Variants in CRYL1 observed in about 807,000 individuals in gnomAD.
CRYL1 encodes lambda-crystallin homolog.
In CRYL1, 29 loss-of-function variants were observed where a neutral mutation model predicts 36.6. That is an observed-to-expected ratio of 0.79 (90% CI 0.59 to 1.08). The LOEUF (loss-of-function observed/expected upper bound fraction) is 1.08, where lower values mean the gene tolerates loss of function less well. CRYL1 is among the 50% of genes least tolerant of loss of function. The pLI, the probability that CRYL1 is intolerant of heterozygous loss-of-function variation, is 0.00. For synonymous variants in CRYL1, 152 were observed against 151.5 expected (o/e 1.00, Z -0.02); for missense variants, 411 against 407.9 (o/e 1.01, Z -0.06).
rs550639328 is a variant in CRYL1 at position 20,517,860 on chromosome 13, C to T, written c.42-5310G>A. Reference sequence around the variant, plus strand: ...CTGAGGCAGGAGAATGGCGTGAACCCGGGAGGCGGAGCTTGCAGTGAGCCG... The same window carrying T: ...CTGAGGCAGGAGAATGGCGTGAACCTGGGAGGCGGAGCTTGCAGTGAGCCG... On this transcript the variant is annotated intron_variant, in intron 1 of 7. Transcript: ENST00000298248. Among the ~76,000 whole-genome samples the T allele has an allele frequency of 1.0e-4, 13 of 126,358 alleles. No homozygotes were observed. In the South Asian group the frequency reaches 3.1e-3, roughly 30 times the overall value. The allele number at this position is 126,358 out of a possible 152,430, so 82.9% of individuals were successfully genotyped here.
chr13:20,521,303 A>G (rs751524941), intron 1 of CRYL1, among the ~76,000 whole-genome samples: 8 of 152,166 alleles, frequency 5.3e-5, no homozygotes, highest in Non-Finnish European at 1.2e-4. Context: ...AGGGAAGGAA[A>G]GAAAAGTGAG....
rs1303189025 is a variant in CRYL1 at position 20,521,215 on chromosome 13, G to GA, written c.41+4538dup. 4.6e-5 allele frequency among the ~76,000 whole-genome samples: 7 copies of GA among 150,952 alleles called. 1 individual carries two copies. Among genetic ancestry groups the GA allele is most frequent in the South Asian group, 4.2e-4 (2 of 4,742 alleles). ...GGAAATAAATTGGACCCAAAATACA[G>GA]AAAAAAAATCAGTAAGAGGCACTAT... On this transcript the variant is annotated intron_variant, in intron 1 of 7. Coordinates refer to ENST00000298248, the MANE Select transcript of CRYL1 (RefSeq NM_015974.3).
At chr13:20,507,738 G>T (rs886578924) in intron 2 of CRYL1, among the ~76,000 whole-genome samples, 14 of 152,102 alleles carry the variant, frequency 9.2e-5, no homozygotes, top group African/African-American at 2.9e-4. Flanking sequence ...CTAACACAGT[G>T]AAACCCCGTC....
In CRYL1 at chr13:20,481,925, A is replaced by G. The variant is rs1355351822; in HGVS notation, c.276+7445T>C. ...CGACTCCATCTCGAAAGGAAAAAGAAAAAACACATACAACAGAAAAAGTGT... is the reference window on the plus strand; with the variant it reads ...CGACTCCATCTCGAAAGGAAAAAGAGAAAACACATACAACAGAAAAAGTGT... On this transcript the variant is annotated intron_variant, in intron 3 of 7. Coordinates refer to ENST00000298248, the MANE Select transcript of CRYL1 (RefSeq NM_015974.3). This position sits in a 1 kb window ranked among gnomAD's most constrained non-coding sequence, Gnocchi z 4.1. Among the ~76,000 whole-genome samples, 1 of 152,094 alleles carries G rather than the reference A, an allele frequency of 6.6e-6. No individual in the cohort carries two copies. Among genetic ancestry groups the G allele is most frequent in the Non-Finnish European group, 1.5e-5 (1 of 68,012 alleles).
chr13:20,423,567 AT>A (rs746197943), intron 5 of CRYL1, among the ~76,000 whole-genome samples: 1 of 152,110 alleles, frequency 6.6e-6, no homozygotes, highest in African/African-American at 2.4e-5. Flanking sequence ...ACATTTATAG[AT>A]TTGCCTATGG....
chr13:20,521,357 A>C (rs1393966212), intron 1 of CRYL1, among the ~76,000 whole-genome samples: 1 of 152,156 alleles, frequency 6.6e-6, no homozygotes, highest in African/African-American at 2.4e-5. Context: ...GAAGCTACAG[A>C]GAGGCACAGG....
intron 1 of CRYL1, among the ~76,000 whole-genome samples, chr13:20,518,610 A>G (rs1004393510): frequency 2.0e-5 from 3 of 152,170 alleles, no homozygotes; most frequent in Non-Finnish European, 4.4e-5. Flanking sequence ...GTTTTAGACA[A>G]AAGATATCAT....
chr13:20,496,994 C>T (rs928692518), intron 2 of CRYL1, among the ~76,000 whole-genome samples: 1 of 152,040 alleles, frequency 6.6e-6, no homozygotes, highest in Non-Finnish European at 1.5e-5. Context: ...AAAACTTAGG[C>T]ATGGGGTTAA....
At chr13:20,482,627 T>G (rs2033300841) in intron 3 of CRYL1, among the ~76,000 whole-genome samples, 1 of 152,206 alleles carries the variant, frequency 6.6e-6, no homozygotes, top group Non-Finnish European at 1.5e-5. Flanking sequence ...TAGGGTTGGG[T>G]AGAAAACAAT....
chr13:20,493,521 G>A (rs918010201), intron 2 of CRYL1, among the ~76,000 whole-genome samples: 1 of 152,174 alleles, frequency 6.6e-6, no homozygotes, highest in Admixed American at 6.5e-5. Context: ...TTAGCCAGGT[G>A]AGGCTGCACA....
chr13:20,446,914 G>C (rs572676615), intron 3 of CRYL1, among the ~76,000 whole-genome samples: 38 of 152,272 alleles, frequency 2.5e-4, no homozygotes, highest in African/African-American at 8.7e-4. Context: ...AAAGAAAAGA[G>C]CCCTTCATTT....
intron 1 of CRYL1, among the ~76,000 whole-genome samples, chr13:20,514,135 G>C (rs1030887657): frequency 5.3e-5 from 8 of 152,152 alleles, no homozygotes; most frequent in Non-Finnish European, 8.8e-5. Flanking sequence ...CTCCCCCTTA[G>C]GCAGGTAGGG....
chr13:20,520,921 C>T (rs888351916), intron 1 of CRYL1, among the ~76,000 whole-genome samples: 4 of 151,826 alleles, frequency 2.6e-5, no homozygotes, highest in African/African-American at 9.7e-5. Context: ...CTGTCTAACA[C>T]GGTGAAACCC....
At chr13:20,460,589 T>A (rs7982871) in intron 3 of CRYL1, among the ~76,000 whole-genome samples, 1,478 of 141,368 alleles carry the variant, frequency 0.01, 44 homozygotes, top group East Asian at 0.069. Flanking sequence ...GCAGTGGCGC[T>A]ATCTCGGCTC....
At chr13:20,410,591 T>C (rs948956384) in intron 6 of CRYL1, among the ~76,000 whole-genome samples, 6 of 152,214 alleles carry the variant, frequency 3.9e-5, no homozygotes, top group Middle Eastern at 3.2e-3. Context: ...CTCTCTGCAC[T>C]TGTGAATCTT....
At chr13:20,511,427 G>A (rs973920052) in intron 2 of CRYL1, among the ~76,000 whole-genome samples, 23 of 152,042 alleles carry the variant, frequency 1.5e-4, no homozygotes, top group Non-Finnish European at 5.9e-5. Context: ...TTTTACCCTC[G>A]CATTGACTAT....
chr13:20,490,924 G>GAC lies in CRYL1; in HGVS notation c.150-1429_150-1428insGT, dbSNP rs767813498. On this transcript the variant is annotated intron_variant, in intron 2 of 7. Coordinates refer to ENST00000298248, the MANE Select transcript of CRYL1 (RefSeq NM_015974.3). ...GATTTTTTGCTTTGTTTTGTTTTTT[G>GAC]AGACAGGATCCTGCTCTGTCGCCCA... is the stretch of plus-strand genomic sequence containing the variant. Among the ~76,000 whole-genome samples, 1,302 of 152,082 alleles carry GAC rather than the reference G, an allele frequency of 8.6e-3. 12 individuals are homozygous for GAC. Among genetic ancestry groups the GAC allele is most frequent in the African/African-American group, 0.022 (898 of 41,494 alleles).
intron 3 of CRYL1, among the ~76,000 whole-genome samples, chr13:20,454,491 C>T (rs1253902478): frequency 2.0e-5 from 3 of 148,780 alleles, no homozygotes; most frequent in African/African-American, 7.4e-5. Context: ...GATCTCGGCT[C>T]ACTGCAAGCT....
At chr13:20,430,196 CA>C (rs2032026358) in intron 5 of CRYL1, 1 of 984,446 alleles carries the variant, frequency 1.0e-6, no homozygotes, top group Admixed American at 6.2e-5. Flanking sequence ...TTTTTAGAAA[CA>C]AATTATCTTC....
Sources: allele counts gnomAD v4.1 joint callset (sites outside exome capture counted in the v4.1 genomes callset), GRCh38; gene constraint gnomAD v4.1.1; non-coding constraint Gnocchi (gnomAD v3.1); transcripts MANE v1.5; gene names NCBI Gene and HGNC (gene_info 2026-07-23, HGNC 2026-07-21).